NYAP2: variants seen among roughly 807,000 people sequenced by gnomAD.
NYAP2 encodes neuronal tyrosine-phosphorylated phosphoinositide-3-kinase adaptor 2, also known as neuronal tyrosine-phosphorylated phosphoinositide-3-kinase adapter 2.
A neutral mutation model predicts 50.4 loss-of-function variants in NYAP2; 23 were observed. That is an observed-to-expected ratio of 0.46 (90% CI 0.33 to 0.65). NYAP2 has a LOEUF of 0.65. NYAP2 is among the 30% of genes least tolerant of loss of function. NYAP2 has a pLI of 0.02. For synonymous variants in NYAP2, 394 were observed against 365.2 expected (o/e 1.08, Z -0.90); for missense variants, 885 against 861.0 (o/e 1.03, Z -0.35).
chr2:225,571,650 G>A (rs963407718), intron 4 of NYAP2, among the ~76,000 whole-genome samples: 44 of 152,180 alleles, frequency 2.9e-4, no homozygotes, highest in African/African-American at 8.4e-4. Flanking sequence ...GGGGGGCCCT[G>A]GCTCCAGCCC....
rs1030562074 is a variant in NYAP2, at chr2:225,583,145, G to A, written c.1618+110G>A. On this transcript the variant is annotated intron_variant, in intron 5 of 6. Coordinates refer to ENST00000636099, the Ensembl canonical transcript of NYAP2. The stretch of plus-strand genomic sequence containing the variant: ...CAGAGTACGGGGTCTTGAGGCCTTG[G>A]AGTTGAAATCTTAGCATGCAAACAA... The A allele has an allele frequency of 6.9e-6, 9 of 1,296,964 alleles. No individual in the cohort carries two copies. The African/African-American group carries it at 1.2e-4, about 17-fold the overall frequency. 80.3% of individuals were successfully genotyped at this position (1,296,964 alleles called of 1,614,324 possible).
At chr2:225,489,488 G>A (rs945446517) in intron 3 of NYAP2, among the ~76,000 whole-genome samples, 1 of 152,018 alleles carries the variant, frequency 6.6e-6, no homozygotes, top group Non-Finnish European at 1.5e-5. Context: ...GTGAGTCATC[G>A]TGCCCGGTCT....
At chr2:225,660,339 C>G in the NYAP2 span, among the ~76,000 whole-genome samples, 2 of 151,684 alleles carry the variant, frequency 1.3e-5, no homozygotes, top group Admixed American at 1.3e-4. Flanking sequence ...TTACTCACCT[C>G]TTTGAATTAA....
chr2:225,464,896 C>T (rs1689892544), intron 3 of NYAP2, among the ~76,000 whole-genome samples: 1 of 152,176 alleles, frequency 6.6e-6, no homozygotes, highest in African/African-American at 2.4e-5. Flanking sequence ...TCGTTTTCCT[C>T]TTTCCTCTGA....
chr2:225,657,102 C>CTTTTT (rs375126014), downstream of NYAP2, among the ~76,000 whole-genome samples: 8 of 101,068 alleles, frequency 7.9e-5, no homozygotes, highest in Non-Finnish European at 1.1e-4. Context: ...AATCTAATTC[C>CTTTTT]TTTTTTTTTT....
rs1431074 is a variant in NYAP2 at position 225,606,630 on chromosome 2, G to T, written c.1619-20287G>T. 5.5e-3 allele frequency among the ~76,000 whole-genome samples: 839 copies of T among 152,164 alleles called. 9 individuals carry two copies. Among genetic ancestry groups the T allele is most frequent in the African/African-American group, 0.018 (762 of 41,530 alleles). Reference sequence around the variant, plus strand: ...ACCACTTAAAAAATACATGAAAACAGAAATGGTAGAGACATTGATAGAGTT... The same window carrying T: ...ACCACTTAAAAAATACATGAAAACATAAATGGTAGAGACATTGATAGAGTT... On this transcript the variant is annotated intron_variant, in intron 5 of 6. Coordinates refer to ENST00000636099, the Ensembl canonical transcript of NYAP2.
chr2:225,494,036 A>G (rs1424412788), intron 3 of NYAP2, among the ~76,000 whole-genome samples: 3 of 152,230 alleles, frequency 2.0e-5, no homozygotes, highest in Non-Finnish European at 4.4e-5. Context: ...CTCCAATGCT[A>G]CACTCTTCTC....
intron 3 of NYAP2, among the ~76,000 whole-genome samples, chr2:225,439,359 A>G (rs1689434587): frequency 6.6e-6 from 1 of 152,204 alleles, no homozygotes; most frequent in African/African-American, 2.4e-5. Flanking sequence ...AGATTAATGG[A>G]CAAGGTAGTA....
chr2:225,407,094 A>C (rs1347848139), intron 2 of NYAP2, among the ~76,000 whole-genome samples: 1 of 152,004 alleles, frequency 6.6e-6, no homozygotes, highest in East Asian at 1.9e-4. Flanking sequence ...AATTGTCGTG[A>C]AGTTATGCTG....
chr2:225,603,896 G>A (rs547398658), intron 5 of NYAP2, among the ~76,000 whole-genome samples: 1 of 152,176 alleles, frequency 6.6e-6, no homozygotes, highest in South Asian at 2.1e-4. Flanking sequence ...CCAAAACAAT[G>A]GATATTGAAA....
In NYAP2 at chr2:225,454,687, C is replaced by T. The variant is rs139310989; in HGVS notation, c.221+45586C>T. On this transcript the variant is annotated intron_variant, in intron 3 of 6. Coordinates refer to ENST00000636099, the Ensembl canonical transcript of NYAP2. Reference sequence around the variant, plus strand: ...GGAGCATGAACCCTATTGTGAACTACGCATGCGAAGAATCTAGTTACACAT... The same window carrying T: ...GGAGCATGAACCCTATTGTGAACTATGCATGCGAAGAATCTAGTTACACAT... Among the ~76,000 whole-genome samples, 47 of 152,182 alleles carry T rather than the reference C, an allele frequency of 3.1e-4. No homozygotes were observed. The East Asian group carries it at 3.7e-3, about 12-fold the overall frequency.
At chr2:225,418,844 A>G (rs1471808185) in intron 3 of NYAP2, among the ~76,000 whole-genome samples, 1 of 152,238 alleles carries the variant, frequency 6.6e-6, no homozygotes, top group African/African-American at 2.4e-5. Context: ...AATTGTATAC[A>G]TATACACATC....
chr2:225,435,222 A>C (rs1689357169), intron 3 of NYAP2, among the ~76,000 whole-genome samples: 1 of 152,232 alleles, frequency 6.6e-6, no homozygotes, highest in South Asian at 2.1e-4. Context: ...CATAGAAAGT[A>C]AATTAAGCAA....
chr2:225,489,022 A>G (rs1197601305), intron 3 of NYAP2, among the ~76,000 whole-genome samples: 1 of 152,168 alleles, frequency 6.6e-6, no homozygotes, highest in Non-Finnish European at 1.5e-5. Context: ...CTCTAACTTC[A>G]TCTGCAAAAT....
chr2:225,619,580 G>A (rs1448812191), intron 5 of NYAP2, among the ~76,000 whole-genome samples: 1 of 152,150 alleles, frequency 6.6e-6, no homozygotes, highest in Non-Finnish European at 1.5e-5. Context: ...TTAGACCCAG[G>A]AAACCAAGTC....
chr2:225,662,386 A>T, the NYAP2 span, among the ~76,000 whole-genome samples: 6 of 152,230 alleles, frequency 3.9e-5, no homozygotes, highest in Admixed American at 1.3e-4. Context: ...AAAAGAAAAC[A>T]TATCCTCGCC....
Position 225,582,944 on chromosome 2 carries a change from C to A in NYAP2, c.1527C>A (p.Ser509Arg). 1 of 1,612,642 alleles carries A rather than the reference C, an allele frequency of 6.2e-7. No homozygotes were observed. Among genetic ancestry groups the A allele is most frequent in the East Asian group, 2.2e-5 (1 of 44,858 alleles). Residue 509 changes from serine to arginine, a missense_variant, in exon 5 of 7, where the codon AGC becomes AGA. Physicochemically the swap from Ser to Arg is moderately radical, Grantham distance 110 (BLOSUM62 -1). Transcript: ENST00000636099. This position sits in a 1 kb window ranked among gnomAD's most constrained non-coding sequence, Gnocchi z 7.0. ...GCTCCCGGTCCCGGACACCCACGAG[C>A]CCGCTGGAGGAGCTGACCAGCCTCT...
intron 4 of NYAP2, among the ~76,000 whole-genome samples, chr2:225,554,143 G>C (rs1691730717): frequency 1.3e-5 from 2 of 151,624 alleles, no homozygotes; most frequent in Admixed American, 6.6e-5. Context: ...TCATTTTTCA[G>C]TGGCAATAAC....
At chr2:225,651,652 ATG>A in exon 7 of NYAP2, 1 of 1,453,842 alleles carries the variant, frequency 6.9e-7, no homozygotes, top group Non-Finnish European at 9.5e-7. Context: ...TTATTTTTCT[ATG>A]TGTGTATGGG....
Sources: allele counts gnomAD v4.1 joint callset (sites outside exome capture counted in the v4.1 genomes callset), GRCh38; gene constraint gnomAD v4.1.1; non-coding constraint Gnocchi (gnomAD v3.1); transcripts MANE v1.5; gene names NCBI Gene and HGNC (gene_info 2026-07-23, HGNC 2026-07-21).